Variants in MAP3K20 observed in about 807,000 individuals in gnomAD.
MAP3K20 encodes mitogen-activated protein kinase kinase kinase 20, also known as HCCS-4.
MAP3K20 carries 40 observed loss-of-function variants against 85.7 expected under a neutral mutation model. That is an observed-to-expected ratio of 0.47 (90% CI 0.36 to 0.61). The LOEUF (loss-of-function observed/expected upper bound fraction) is 0.61. Ranked by LOEUF, MAP3K20 falls within the 20% of genes least tolerant of loss-of-function variation. The pLI is 0.00. For synonymous variants in MAP3K20, 325 were observed against 327.7 expected (o/e 0.99, Z 0.09); for missense variants, 817 against 961.7 (o/e 0.85, Z 1.99).
intron 14 of MAP3K20, among the ~76,000 whole-genome samples, chr2:173,235,646 C>T (rs1302221364): frequency 2.0e-5 from 3 of 152,142 alleles, no homozygotes; most frequent in Non-Finnish European, 4.4e-5. Flanking sequence ...TGTTTTGGAA[C>T]TAGATAGAGG....
intron 11 of MAP3K20, chr2:173,222,179 C>G (rs1352521692): frequency 1.0e-6 from 1 of 977,186 alleles, no homozygotes; most frequent in African/African-American, 1.8e-5. Context: ...GCACTCTAGC[C>G]TGGGCAAGAG....
rs74710470 is a variant in MAP3K20, at chr2:173,250,984, A to C, written c.1360-7715A>C. On this transcript the variant is annotated intron_variant, in intron 16 of 19. Coordinates refer to ENST00000375213, the MANE Select transcript of MAP3K20 (RefSeq NM_016653.3). ...AATGATAAATAACCCAGGTGCTATC[A>C]CGGGATGTTCCACTCTCCTGCCTTT... Among the ~76,000 whole-genome samples, 707 of 152,328 alleles carry C rather than the reference A, an allele frequency of 4.6e-3. 1 individual carries two copies. The highest frequency in any genetic ancestry group is 7.7e-3 in the Non-Finnish European group (521 of 68,024).
intron 2 of MAP3K20, among the ~76,000 whole-genome samples, chr2:173,143,539 C>T (rs1310210496): frequency 6.6e-6 from 1 of 152,138 alleles, no homozygotes; most frequent in African/African-American, 2.4e-5. Flanking sequence ...TTAAAGGGAT[C>T]TGCCAAAAAA....
chr2:173,232,876 G>C (rs114771974), intron 14 of MAP3K20, among the ~76,000 whole-genome samples: 1 of 152,174 alleles, frequency 6.6e-6, no homozygotes, highest in Admixed American at 6.5e-5. Flanking sequence ...TGGAAACAGT[G>C]CTATGCTGGT....
intron 5 of MAP3K20, among the ~76,000 whole-genome samples, chr2:173,189,235 T>A (rs1270586390): frequency 6.6e-6 from 1 of 152,220 alleles, no homozygotes; most frequent in Non-Finnish European, 1.5e-5. Context: ...AAATTAATAA[T>A]ATTTACATTT....
In MAP3K20 at chr2:173,221,168, G is replaced by C. The variant is rs373913247; in HGVS notation, c.987+3918G>C. 6 of 1,524,212 alleles carry C rather than the reference G, an allele frequency of 3.9e-6. No homozygotes were observed. The African/African-American group carries it at 5.5e-5, about 14-fold the overall frequency. 94.4% of individuals were successfully genotyped at this position (1,524,212 alleles called of 1,614,324 possible). A position where few individuals can be genotyped will look rare whatever the true frequency, so the allele number is the denominator to read the frequency against. ...TTGATAGCTTCTCTTGCCTCTTGCT[G>C]CAAGAATGTCTGAGGAGTCTTACTT... On this transcript the variant is annotated intron_variant, in intron 11 of 19. Transcript: ENST00000375213.
intron 16 of MAP3K20, among the ~76,000 whole-genome samples, chr2:173,253,264 T>C (rs1205918891): frequency 2.0e-5 from 3 of 152,218 alleles, no homozygotes; most frequent in African/African-American, 7.2e-5. Flanking sequence ...GTAATAATGA[T>C]AATTATTCCT....
rs1172692069 is a variant in MAP3K20, at chr2:173,190,808, G to C, written c.416-87G>C. Reference sequence around the variant, plus strand: ...CTTTCATAATCCCATATTGAAGACAGAAATAGAAGTTTATGGTTTTTTTCA... The same window carrying C: ...CTTTCATAATCCCATATTGAAGACACAAATAGAAGTTTATGGTTTTTTTCA... On this transcript the variant is annotated intron_variant, in intron 5 of 19. Transcript: ENST00000375213. 4.9e-6 allele frequency: 6 copies of C among 1,220,484 alleles called. No individual in the cohort carries two copies. In the Admixed American group the frequency reaches 1.4e-4, roughly 28 times the overall value. 75.6% of individuals were successfully genotyped at this position (1,220,484 alleles called of 1,614,324 possible).
At chr2:173,160,509 C>G (rs899528613) in intron 2 of MAP3K20, 10 of 152,112 alleles carry the variant, frequency 6.6e-5, no homozygotes, top group Admixed American at 3.9e-4. Flanking sequence ...TTGTTTTTGA[C>G]TCAGTCAAGA....
intron 2 of MAP3K20, among the ~76,000 whole-genome samples, chr2:173,138,953 AAGT>A (rs1471420764): frequency 6.6e-6 from 1 of 152,198 alleles, no homozygotes; most frequent in Non-Finnish European, 1.5e-5. Flanking sequence ...CTGTTTTTAA[AAGT>A]CCACAGGCTG....
At chr2:173,253,727 CAA>C (rs1248390165) in intron 16 of MAP3K20, among the ~76,000 whole-genome samples, 1 of 152,120 alleles carries the variant, frequency 6.6e-6, no homozygotes. Context: ...ATTTCTAATT[CAA>C]AAGTCAGTGC....
At chr2:173,139,786 A>G (rs1252563824) in intron 2 of MAP3K20, among the ~76,000 whole-genome samples, 1 of 152,164 alleles carries the variant, frequency 6.6e-6, no homozygotes, top group African/African-American at 2.4e-5. Context: ...TTTATTTTAC[A>G]CACTCAGTAT....
intron 16 of MAP3K20, among the ~76,000 whole-genome samples, chr2:173,254,951 T>C (rs1685125621): frequency 6.6e-6 from 1 of 152,218 alleles, no homozygotes; most frequent in South Asian, 2.1e-4. Flanking sequence ...GCATATTCTC[T>C]TTCTCTCTTA....
chr2:173,258,644 T>TA (rs558101273), intron 16 of MAP3K20, 55 bp from the exon 17 acceptor site: 3,990 of 890,184 alleles, frequency 4.5e-3, no homozygotes, highest in South Asian at 5.3e-3. Context: ...ATATTGAGAC[T>TA]AAAAAAAAAA....
intron 9 of MAP3K20, among the ~76,000 whole-genome samples, chr2:173,207,200 A>G (rs1683717740): frequency 6.6e-6 from 1 of 152,168 alleles, no homozygotes; most frequent in Admixed American, 6.5e-5. Flanking sequence ...AAATAGGGAA[A>G]AAAATAAGTT....
chr2:173,139,911 A>G (rs550742693), intron 2 of MAP3K20, among the ~76,000 whole-genome samples: 44 of 152,294 alleles, frequency 2.9e-4, no homozygotes, highest in Admixed American at 5.9e-4. Flanking sequence ...TTTTTATGTT[A>G]AAAAAGTAAT....
At chr2:173,190,256 A>G (rs1690609796) in intron 5 of MAP3K20, among the ~76,000 whole-genome samples, 1 of 152,040 alleles carries the variant, frequency 6.6e-6, no homozygotes, top group African/African-American at 2.4e-5. Context: ...CACAGATATC[A>G]TTGTTCTTTG....
At chr2:173,226,359 T>A (rs538063562) in intron 11 of MAP3K20, 30 of 984,792 alleles carry the variant, frequency 3.0e-5, no homozygotes, top group Non-Finnish European at 3.5e-5. Context: ...ACTAGACTTA[T>A]TGCAGCCTTT....
intron 1 of MAP3K20, among the ~76,000 whole-genome samples, chr2:173,088,110 G>A (rs1435384407): frequency 6.6e-6 from 1 of 152,146 alleles, no homozygotes; most frequent in African/African-American, 2.4e-5. Flanking sequence ...ATTGAGAGGA[G>A]TTTTGCAGCT....
Sources: allele counts gnomAD v4.1 joint callset (sites outside exome capture counted in the v4.1 genomes callset), GRCh38; gene constraint gnomAD v4.1.1; transcripts MANE v1.5; gene names NCBI Gene and HGNC (gene_info 2026-07-23, HGNC 2026-07-21).